RAB8B: variants seen among roughly 807,000 people sequenced by gnomAD.
The protein encoded by RAB8B is ras-related protein Rab-8B.
Under a neutral mutation model 32.0 loss-of-function variants are expected in RAB8B, and 11 were observed. The ratio of observed to expected loss-of-function variants is 0.34; its 90% CI spans 0.22 to 0.57. RAB8B has a LOEUF of 0.57. Ranked by LOEUF, RAB8B falls within the 20% of genes least tolerant of loss-of-function variation. The pLI is 0.86. For missense variants in RAB8B, 190 were observed against 258.5 expected (o/e 0.73, Z 1.82); for synonymous variants, 103 against 89.6 (o/e 1.15, Z -0.85).
chr15:63,231,497 T>G lies in RAB8B; in HGVS notation c.125-13259T>G, dbSNP rs2037936596. ...CCTAAAATCAGGGATTTGCGTGTTT[T>G]TTGTTTTTTTTTTTAACTTCAGTTT... On this transcript the variant is annotated intron_variant, in intron 1 of 7. Transcript: ENST00000321437. Among the ~76,000 whole-genome samples the G allele has an allele frequency of 1.8e-4, 9 of 49,388 alleles. 1 individual carries two copies. The South Asian group carries it at 6.7e-3, about 37-fold the overall frequency. 32.4% of individuals were successfully genotyped at this position (49,388 alleles called of 152,430 possible).
chr15:63,220,913 T>A (rs1001275262), intron 1 of RAB8B, among the ~76,000 whole-genome samples: 3 of 152,216 alleles, frequency 2.0e-5, no homozygotes, highest in Non-Finnish European at 4.4e-5. Context: ...CAGTGCTAGA[T>A]CCTCTGCTCA....
intron 3 of RAB8B, chr15:63,251,277 C>T (rs1443165004): frequency 4.4e-6 from 2 of 455,828 alleles, no homozygotes; most frequent in Non-Finnish European, 8.8e-6. Context: ...TTGTTTGTTT[C>T]CCCCAGGAAG....
chr15:63,211,147 A>G (rs1256954896), intron 1 of RAB8B, among the ~76,000 whole-genome samples: 1 of 152,256 alleles, frequency 6.6e-6, no homozygotes. Flanking sequence ...TAAAAGTGAA[A>G]GACCAGCTCT....
chr15:63,193,434 C>T (rs2037574784), intron 1 of RAB8B, among the ~76,000 whole-genome samples: 1 of 152,086 alleles, frequency 6.6e-6, no homozygotes, highest in African/African-American at 2.4e-5. Context: ...TGGTCAAGTG[C>T]CTAGGACCAA....
chr15:63,234,589 C>T (rs1390759596), intron 1 of RAB8B, among the ~76,000 whole-genome samples: 2 of 152,212 alleles, frequency 1.3e-5, no homozygotes, highest in South Asian at 2.1e-4. Context: ...CTGCCTCCAG[C>T]GACATCACTG....
intron 3 of RAB8B, 145 bp downstream of exon 3, chr15:63,249,850 T>A: frequency 1.1e-6 from 1 of 907,942 alleles, no homozygotes; most frequent in Non-Finnish European, 1.6e-6. Context: ...AAAAGGTTTT[T>A]TGGGGGCCGG....
chr15:63,262,693 C>G lies in RAB8B; in HGVS notation c.482C>G (p.Ala161Gly). The G allele has an allele frequency of 7.1e-7, 1 of 1,407,412 alleles. No homozygotes were observed. Among genetic ancestry groups the G allele is most frequent in the Non-Finnish European group, 9.4e-7 (1 of 1,065,024 alleles). 87.2% of individuals were successfully genotyped at this position (1,407,412 alleles called of 1,614,324 possible). The change falls in exon 7 of 8, where the codon GCA (alanine) becomes GGA (glycine). Residue 161 changes from alanine to glycine, a missense_variant and splice_region_variant. Ala to Gly is a moderately conservative substitution (Grantham distance 60). Around this residue, in one of 2 missense-constraint regions of RAB8B, gnomAD observed 110 missense variants for 115.9 expected, o/e 0.95. Transcript: ENST00000321437. Reference sequence around the variant, plus strand: ...GAAAATGTTTTGTTTTACCTATAGGCATTTTTTACACTTGCACGAGATATA... The same window carrying G: ...GAAAATGTTTTGTTTTACCTATAGGGATTTTTTACACTTGCACGAGATATA... ...SAKSSANVEE[A>G]FFTLARDIMT... is the part of the protein sequence containing the mutation.
chr15:63,236,217 G>A (rs1278910448), intron 1 of RAB8B, among the ~76,000 whole-genome samples: 3 of 152,124 alleles, frequency 2.0e-5, no homozygotes. Context: ...TAGCATAAGA[G>A]TCAATTCAGG....
At chr15:63,220,661 G>T (rs2037837044) in intron 1 of RAB8B, among the ~76,000 whole-genome samples, 1 of 152,076 alleles carries the variant, frequency 6.6e-6, no homozygotes, top group Admixed American at 6.6e-5. Flanking sequence ...TAATTTGCCA[G>T]CCATTAAGAT....
At chr15:63,197,186 T>C (rs2037607406) in intron 1 of RAB8B, among the ~76,000 whole-genome samples, 2 of 151,762 alleles carry the variant, frequency 1.3e-5, no homozygotes, top group African/African-American at 2.4e-5. Context: ...TATTTTTATA[T>C]AGAGCCCTTG....
chr15:63,235,329 A>G (rs1363413286), intron 1 of RAB8B, among the ~76,000 whole-genome samples: 4 of 152,174 alleles, frequency 2.6e-5, no homozygotes, highest in Non-Finnish European at 5.9e-5. Context: ...TCCCCTGACT[A>G]AATCTTCTAA....
At chr15:63,198,071 A>G (rs2037618199) in intron 1 of RAB8B, among the ~76,000 whole-genome samples, 1 of 152,024 alleles carries the variant, frequency 6.6e-6, no homozygotes, top group African/African-American at 2.4e-5. Context: ...TCTTATTTCA[A>G]GTTGAATTAA....
At chr15:63,227,891 TTTTCC>T (rs1200966490) in intron 1 of RAB8B, among the ~76,000 whole-genome samples, 3 of 152,160 alleles carry the variant, frequency 2.0e-5, no homozygotes, top group Non-Finnish European at 4.4e-5. Flanking sequence ...CTTTTTTCTC[TTTTCC>T]TTTCCTTTCC....
Position 63,259,833 on chromosome 15 carries a change from G to T in RAB8B, c.480+141G>T. 1.4e-6 allele frequency: 1 copy of T among 726,774 alleles called. No homozygotes were observed. Among genetic ancestry groups the T allele is most frequent in the South Asian group, 1.9e-5 (1 of 53,224 alleles). The allele number at this position is 726,774 out of a possible 1,614,324, so 45.0% of individuals were successfully genotyped here. A position where few individuals can be genotyped will look rare whatever the true frequency, so the allele number is the denominator to read the frequency against. ...CCAACTCTACTTTGTACACTTTTGT[G>T]CTTCTGATTTTTTTTTTTTTGAGAT... is the stretch of plus-strand genomic sequence containing the variant. On this transcript the variant is annotated intron_variant, in intron 6 of 7. Coordinates refer to ENST00000321437, the MANE Select transcript of RAB8B (RefSeq NM_016530.3). This position sits in a 1 kb window ranked among gnomAD's most constrained non-coding sequence, Gnocchi z 4.4.
chr15:63,210,365 C>A (rs1405893237), intron 1 of RAB8B, among the ~76,000 whole-genome samples: 1 of 152,228 alleles, frequency 6.6e-6, no homozygotes, highest in Non-Finnish European at 1.5e-5. Context: ...CTGTTACTTT[C>A]ATTCTTGATT....
At position 63,196,526 on chromosome 15, in the gene RAB8B, G is replaced by T. The variant is rs12101656; in HGVS notation, c.124+6778G>T. On this transcript the variant is annotated intron_variant, in intron 1 of 7. Coordinates refer to ENST00000321437, the MANE Select transcript of RAB8B (RefSeq NM_016530.3). ...AAGAATACTGTGTCTACCTTTCAGA[G>T]TTGCTGTGAGCTCCTTAAGGCAAAA... Among the ~76,000 whole-genome samples the T allele has an allele frequency of 8.4e-3, 1,277 of 152,282 alleles. 16 individuals carry two copies. The highest frequency in any genetic ancestry group is 0.029 in the African/African-American group (1,220 of 41,544).
In RAB8B at chr15:63,256,483, G is replaced by A. The variant is rs2038159712; in HGVS notation, c.325-22G>A. On this transcript the variant is annotated intron_variant, in intron 4 of 7. Transcript: ENST00000321437. ...GGGTTTTTCTCAGGCTGTTTTTATAGCATGCTATTTTCTCCCTGCAGCATG... is the reference window on the plus strand; with the variant it reads ...GGGTTTTTCTCAGGCTGTTTTTATAACATGCTATTTTCTCCCTGCAGCATG... 5 of 1,555,466 alleles carry A rather than the reference G, an allele frequency of 3.2e-6. No homozygotes were observed. In the East Asian group the frequency reaches 9.4e-5, roughly 29 times the overall value.
intron 1 of RAB8B, among the ~76,000 whole-genome samples, chr15:63,221,579 C>G (rs2037844843): frequency 6.6e-6 from 1 of 152,128 alleles, no homozygotes; most frequent in South Asian, 2.1e-4. Flanking sequence ...CCAGGTCATC[C>G]TGTCCCGAAC....
At chr15:63,217,543 C>A (rs2037803827) in intron 1 of RAB8B, among the ~76,000 whole-genome samples, 2 of 152,124 alleles carry the variant, frequency 1.3e-5, no homozygotes, top group Admixed American at 1.3e-4. Flanking sequence ...CCATTTGAAA[C>A]CAAATGAAGG....
Sources: gnomAD v4.1 joint callset for allele counts (sites outside exome capture counted in the v4.1 genomes callset) on GRCh38, gnomAD v4.1.1 for gene constraint, gnomAD v4.1.1 regional missense constraint, Gnocchi (gnomAD v3.1) non-coding constraint, MANE v1.5 for transcripts, NCBI Gene and HGNC (gene_info 2026-07-23, HGNC 2026-07-21) for gene names.